Variants in GRID1 observed in about 807,000 individuals in gnomAD.
GRID1 encodes the protein glutamate receptor ionotropic, delta-1.
A neutral mutation model predicts 98.0 loss-of-function variants in GRID1; 28 were observed. That is an observed-to-expected ratio of 0.29 (90% CI 0.21 to 0.39). The LOEUF (loss-of-function observed/expected upper bound fraction) is 0.39, where lower values mean the gene tolerates loss of function less well. GRID1 is among the 10% of genes least tolerant of loss of function. The pLI is 1.00. For missense variants in GRID1, 1,111 were observed against 1,340.5 expected (o/e 0.83, Z 2.67); for synonymous variants, 553 against 538.5 (o/e 1.03, Z -0.37).
chr10:85,799,339 C>T (rs1842554333), intron 8 of GRID1, among the ~76,000 whole-genome samples: 1 of 151,986 alleles, frequency 6.6e-6, no homozygotes, highest in Admixed American at 6.6e-5. Context: ...TTTGTAGCTC[C>T]ATACAAAGTT....
intron 2 of GRID1, among the ~76,000 whole-genome samples, chr10:86,349,801 C>T (rs542444421): frequency 2.0e-5 from 3 of 152,320 alleles, no homozygotes; most frequent in African/African-American, 7.2e-5. Flanking sequence ...CATCCAAGGA[C>T]TTTTACTGAA....
intron 4 of GRID1, among the ~76,000 whole-genome samples, chr10:85,957,485 GC>G (rs1397007510): frequency 6.6e-6 from 1 of 152,088 alleles, no homozygotes; most frequent in African/African-American, 2.4e-5. Context: ...GGCATATCTG[GC>G]CCCTTTGGCT....
chr10:85,876,655 G>A (rs547922043), intron 5 of GRID1, among the ~76,000 whole-genome samples: 12 of 152,250 alleles, frequency 7.9e-5, no homozygotes, highest in Middle Eastern at 3.4e-3. Flanking sequence ...GAACAGCTCC[G>A]GTCTACAGCT....
intron 8 of GRID1, among the ~76,000 whole-genome samples, chr10:85,840,364 A>C (rs574217526): frequency 6.6e-6 from 1 of 152,150 alleles, no homozygotes; most frequent in African/African-American, 2.4e-5. Flanking sequence ...TATGTAAAAA[A>C]CCCACAGCCA....
chr10:86,322,047 G>A (rs1351347098), intron 2 of GRID1, among the ~76,000 whole-genome samples: 1 of 152,044 alleles, frequency 6.6e-6, no homozygotes, highest in African/African-American at 2.4e-5. Context: ...CGAGAAAACA[G>A]AGAGAGGGGA....
chr10:86,019,317 G>GC (rs1388906349), intron 4 of GRID1, among the ~76,000 whole-genome samples: 3 of 152,190 alleles, frequency 2.0e-5, no homozygotes, highest in Non-Finnish European at 2.9e-5. Flanking sequence ...ACAGGCATGT[G>GC]CCCCCTTGGT....
chr10:86,054,813 G>C (rs1227294941), intron 4 of GRID1, among the ~76,000 whole-genome samples: 1 of 152,114 alleles, frequency 6.6e-6, no homozygotes, highest in Non-Finnish European at 1.5e-5. Flanking sequence ...CCTGCTCTTG[G>C]CCATGTGACT....
chr10:85,623,294 AG>A (rs1842877326), intron 13 of GRID1, among the ~76,000 whole-genome samples: 2 of 152,206 alleles, frequency 1.3e-5, no homozygotes, highest in African/African-American at 2.4e-5. Context: ...CCATACTGTC[AG>A]GAACATTGCA....
chr10:86,114,288 G>C (rs1454348168), intron 4 of GRID1, among the ~76,000 whole-genome samples: 1 of 152,124 alleles, frequency 6.6e-6, no homozygotes, highest in African/African-American at 2.4e-5. Context: ...CCTTCCTGGA[G>C]GGACTAACCT....
intron 8 of GRID1, among the ~76,000 whole-genome samples, chr10:85,772,599 G>A (rs1842283382): frequency 1.3e-5 from 2 of 152,262 alleles, no homozygotes; most frequent in African/African-American, 4.8e-5. Context: ...GAAGAAAAGA[G>A]AGAAGAAGCA....
chr10:86,319,496 G>C (rs1032650027), intron 2 of GRID1, among the ~76,000 whole-genome samples: 4 of 152,132 alleles, frequency 2.6e-5, no homozygotes, highest in Non-Finnish European at 5.9e-5. Context: ...ACCCTTTTCT[G>C]CCTGGCATGG....
intron 2 of GRID1, among the ~76,000 whole-genome samples, chr10:86,237,393 G>A (rs753484534): frequency 4.6e-5 from 7 of 152,236 alleles, no homozygotes; most frequent in South Asian, 2.1e-4. Flanking sequence ...TCGGAAGATC[G>A]GGTTGTTTAA....
intron 4 of GRID1, among the ~76,000 whole-genome samples, chr10:85,964,276 G>T (rs1842308629): frequency 6.6e-6 from 1 of 151,848 alleles, no homozygotes; most frequent in African/African-American, 2.4e-5. Flanking sequence ...AAAGAATTGG[G>T]AAAAAACATG....
chr10:86,032,247 T>TG (rs1255564164), intron 4 of GRID1, among the ~76,000 whole-genome samples: 3 of 151,704 alleles, frequency 2.0e-5, no homozygotes, highest in Non-Finnish European at 4.4e-5. Context: ...GTCCTGGAGG[T>TG]GGGGGGCGCC....
chr10:86,136,648 T>C (rs971612856), intron 4 of GRID1, among the ~76,000 whole-genome samples: 5 of 152,184 alleles, frequency 3.3e-5, no homozygotes, highest in Non-Finnish European at 7.3e-5. Context: ...TCCCTACTAA[T>C]GACAGGCGCA....
chr10:85,601,589 T>C lies in GRID1; in HGVS notation c.*684A>G, dbSNP rs1842576576. On this transcript the variant is annotated 3_prime_UTR_variant, in exon 16 of 16. Transcript: ENST00000327946. ...CCTCAATTACCTCACTATGGGTAAT[T>C]GTCAGCTTCTCTCGGGCCCATGGGG... is the stretch of plus-strand genomic sequence containing the variant. The C allele has an allele frequency of 6.6e-6, 1 of 152,226 alleles. No homozygotes were observed. The highest frequency in any genetic ancestry group is 2.4e-5 in the African/African-American group (1 of 41,424). The allele number at this position is 152,226 out of a possible 1,614,324, so 9.4% of individuals were successfully genotyped here.
At chr10:85,661,549 C>T (rs1415788528) in intron 12 of GRID1, among the ~76,000 whole-genome samples, 1 of 152,122 alleles carries the variant, frequency 6.6e-6, no homozygotes, top group Non-Finnish European at 1.5e-5. Flanking sequence ...TGCTCAGACA[C>T]CAGGAGCTTT....
intron 12 of GRID1, among the ~76,000 whole-genome samples, chr10:85,705,806 C>A (rs1297223301): frequency 6.6e-6 from 1 of 152,146 alleles, no homozygotes; most frequent in Admixed American, 6.5e-5. Context: ...GCTGGTTAAA[C>A]ATATGCAAAT....
In GRID1 at chr10:85,829,073, A is replaced by T. The variant is rs565457698; in HGVS notation, c.1233+25423T>A. 3.3e-5 allele frequency among the ~76,000 whole-genome samples: 5 copies of T among 152,322 alleles called. No homozygotes were observed. The East Asian group carries it at 9.6e-4, about 29-fold the overall frequency. The stretch of plus-strand genomic sequence containing the variant: ...AAAAATCCTCAGCAAAATACTAGCA[A>T]ACTGAATCCAGCAACATATCAAAAA... On this transcript the variant is annotated intron_variant, in intron 8 of 15. Transcript: ENST00000327946.
Sources: allele counts gnomAD v4.1 joint callset (sites outside exome capture counted in the v4.1 genomes callset), GRCh38; gene constraint gnomAD v4.1.1; transcripts MANE v1.5; gene names NCBI Gene and HGNC (gene_info 2026-07-23, HGNC 2026-07-21).